The following PRKG1 variants were observed in gnomAD, a reference collection of about 807,000 sequenced individuals.
PRKG1 encodes the protein protein kinase cGMP-dependent 1, also known as cGMP-dependent protein kinase 1.
PRKG1 carries 35 observed loss-of-function variants against 88.1 expected under a neutral mutation model. That is an observed-to-expected ratio of 0.40 (90% CI 0.30 to 0.53). The LOEUF (loss-of-function observed/expected upper bound fraction) is 0.53, where lower values mean the gene tolerates loss of function less well. Among genes scored for constraint, PRKG1 ranks in the 20% least tolerant of loss-of-function variants. The pLI is 0.59. For missense variants in PRKG1, 540 were observed against 839.8 expected, an observed-to-expected ratio of 0.64 and a Z score of 4.41; for synonymous variants, 303 against 292.5, an observed-to-expected ratio of 1.04 and a Z score of -0.37.
At chr10:51,896,330 G>T (rs979345372) in intron 4 of PRKG1, among the ~76,000 whole-genome samples, 2 of 152,002 alleles carry the variant, frequency 1.3e-5, no homozygotes, top group East Asian at 3.9e-4. Flanking sequence ...TATGTGCCAG[G>T]TACCTTCTTA....
At chr10:51,134,103 A>G (rs981348872) in intron 1 of PRKG1, among the ~76,000 whole-genome samples, 2 of 152,226 alleles carry the variant, frequency 1.3e-5, no homozygotes, top group Non-Finnish European at 2.9e-5. Flanking sequence ...AATTGATTCT[A>G]ATATCCGCCA....
At chr10:51,829,289 T>C (rs1839948430) in intron 4 of PRKG1, among the ~76,000 whole-genome samples, 1 of 152,162 alleles carries the variant, frequency 6.6e-6, no homozygotes, top group African/African-American at 2.4e-5. Flanking sequence ...TTTTGTCACT[T>C]CTGTATTTTA....
chr10:51,737,478 G>A (rs1837308775), intron 3 of PRKG1, among the ~76,000 whole-genome samples: 1 of 152,118 alleles, frequency 6.6e-6, no homozygotes, highest in Non-Finnish European at 1.5e-5. Context: ...ACGTTAAATG[G>A]CAGGGAGTCA....
At chr10:51,510,573 T>A (rs1017313704) in intron 3 of PRKG1, among the ~76,000 whole-genome samples, 29 of 152,272 alleles carry the variant, frequency 1.9e-4, no homozygotes, top group African/African-American at 6.0e-4. Flanking sequence ...CTTCAAGAAA[T>A]GATCTGAATT....
intron 3 of PRKG1, among the ~76,000 whole-genome samples, chr10:51,594,061 G>A (rs991285284): frequency 2.0e-5 from 3 of 151,848 alleles, no homozygotes; most frequent in African/African-American, 7.3e-5. Flanking sequence ...GTCTTACTCT[G>A]TTGGCTAGGC....
chr10:51,333,020 G>A (rs759522305), intron 2 of PRKG1, among the ~76,000 whole-genome samples: 1 of 152,168 alleles, frequency 6.6e-6, no homozygotes, highest in Non-Finnish European at 1.5e-5. Flanking sequence ...AGGATACTGA[G>A]GTTCAGGCAG....
chr10:51,493,609 G>A (rs940538288), intron 3 of PRKG1, among the ~76,000 whole-genome samples: 4 of 152,120 alleles, frequency 2.6e-5, no homozygotes, highest in Non-Finnish European at 5.9e-5. Context: ...TGGATTGATA[G>A]TGGTTCCACT....
At chr10:51,621,697 A>C (rs1839216254) in intron 3 of PRKG1, among the ~76,000 whole-genome samples, 1 of 152,192 alleles carries the variant, frequency 6.6e-6, no homozygotes, top group African/African-American at 2.4e-5. Context: ...GAATTCTGTC[A>C]ATTTTATTTC....
intron 3 of PRKG1, among the ~76,000 whole-genome samples, chr10:51,540,178 G>A (rs975559469): frequency 6.6e-6 from 1 of 152,186 alleles, no homozygotes; most frequent in African/African-American, 2.4e-5. Flanking sequence ...TACTCTGGAA[G>A]TAAGCTATAA....
intron 9 of PRKG1, among the ~76,000 whole-genome samples, chr10:52,166,816 T>C (rs1365284337): frequency 3.4e-3 from 6 of 1,772 alleles, no homozygotes; most frequent in South Asian, 0.038. Flanking sequence ...TATGTATATA[T>C]ATGTATATAT....
intron 5 of PRKG1, among the ~76,000 whole-genome samples, chr10:52,022,800 G>C (rs1168853456): frequency 6.6e-6 from 1 of 152,090 alleles, no homozygotes; most frequent in African/African-American, 2.4e-5. Context: ...GAAAATAAAA[G>C]TAAAAATCAG....
intron 3 of PRKG1, among the ~76,000 whole-genome samples, chr10:51,616,922 G>T (rs1839072503): frequency 6.6e-6 from 1 of 152,138 alleles, no homozygotes; most frequent in Admixed American, 6.5e-5. Flanking sequence ...CCCATACTTT[G>T]CTTGTGCCTC....
chr10:52,289,473 T>C (rs1842192177), intron 16 of PRKG1, among the ~76,000 whole-genome samples: 1 of 152,156 alleles, frequency 6.6e-6, no homozygotes, highest in Non-Finnish European at 1.5e-5. Flanking sequence ...CCTATGTTGA[T>C]TGGATGTTCT....
At chr10:51,136,251 G>GTT (rs1299134344) in intron 1 of PRKG1, among the ~76,000 whole-genome samples, 1 of 152,020 alleles carries the variant, frequency 6.6e-6, no homozygotes, top group Non-Finnish European at 1.5e-5. Flanking sequence ...CCCAGTTGAG[G>GTT]TTAAAAGTCC....
chr10:52,020,661 T>G (rs1845160002), intron 5 of PRKG1, among the ~76,000 whole-genome samples: 1 of 152,000 alleles, frequency 6.6e-6, no homozygotes, highest in Admixed American at 6.6e-5. Flanking sequence ...TCCCTTAGGG[T>G]GGGCTGCCCA....
chr10:52,010,176 A>G (rs1379108618), intron 5 of PRKG1, among the ~76,000 whole-genome samples: 2 of 152,196 alleles, frequency 1.3e-5, no homozygotes, highest in Non-Finnish European at 2.9e-5. Flanking sequence ...GGCAACTGGT[A>G]TCTAATTAAA....
At chr10:51,194,887 G>A (rs1837723069) in intron 2 of PRKG1, among the ~76,000 whole-genome samples, 1 of 152,056 alleles carries the variant, frequency 6.6e-6, no homozygotes, top group African/African-American at 2.4e-5. Flanking sequence ...ACCCCACTCT[G>A]GTGACAATGA....
rs182160785 is a variant in PRKG1, at chr10:51,518,397, G to C, written c.592+50561G>C. On this transcript the variant is annotated intron_variant, in intron 3 of 17. Transcript: ENST00000373980. ...ATTTTCTGCTGCTTGTTCAATTTAG[G>C]ATTATCAAACCACACAATGTCAGGC... Among the ~76,000 whole-genome samples the C allele has an allele frequency of 2.3e-3, 351 of 152,180 alleles. 1 individual carries two copies. The highest frequency in any genetic ancestry group is 8.0e-3 in the African/African-American group (334 of 41,540).
At chr10:51,489,938 C>G (rs1399777135) in intron 3 of PRKG1, among the ~76,000 whole-genome samples, 1 of 152,148 alleles carries the variant, frequency 6.6e-6, no homozygotes, top group East Asian at 1.9e-4. Flanking sequence ...ACTCACTTAT[C>G]ATCACTACCC....
Sources: allele counts gnomAD v4.1 joint callset (sites outside exome capture counted in the v4.1 genomes callset), GRCh38; gene constraint gnomAD v4.1.1; transcripts MANE v1.5; gene names NCBI Gene and HGNC (gene_info 2026-07-23, HGNC 2026-07-21).